ZNF644: variants seen among roughly 807,000 people sequenced by gnomAD.
The protein encoded by ZNF644 is zinc finger protein 644, also known as zinc finger motif enhancer binding protein 2.
Under a neutral mutation model 108.0 loss-of-function variants are expected in ZNF644, and 20 were observed. The observed-to-expected ratio is 0.19, with a 90% CI of 0.13 to 0.27. The LOEUF (loss-of-function observed/expected upper bound fraction) is 0.27. Ranked by LOEUF, ZNF644 falls within the 10% of genes least tolerant of loss-of-function variation. The probability of loss-of-function intolerance (pLI) is 1.00; values close to 1 mark genes in which losing one functional copy is unlikely to be tolerated. For missense variants in ZNF644, 1,338 were observed against 1,548.9 expected (o/e 0.86, Z 2.29); for synonymous variants, 542 against 539.1 (o/e 1.01, Z -0.08).
chr1:90,950,308 A>AGGGCAGGGCAGGGCAGGG (rs1557588325), intron 2 of ZNF644, among the ~76,000 whole-genome samples: 60 of 78,776 alleles, frequency 7.6e-4, no homozygotes, highest in East Asian at 1.1e-3. Context: ...AGGGGAGGGG[A>AGGGCAGGGCAGGGCAGGG]CAAAAGAAAA....
rs142714477 is a variant in ZNF644, at chr1:90,954,058, C to T, written c.45-12749G>A. Among the ~76,000 whole-genome samples the T allele has an allele frequency of 3.3e-5, 5 of 152,252 alleles. No homozygotes were observed. The East Asian group carries it at 9.7e-4, about 29-fold the overall frequency. On this transcript the variant is annotated intron_variant, in intron 2 of 5. Transcript: ENST00000337393. Reference sequence around the variant, plus strand: ...ATATTGACAATCAGAGTGGCAGATGCTGAAGGTTGGGGTGGCTGTGGCAAC... The same window carrying T: ...ATATTGACAATCAGAGTGGCAGATGTTGAAGGTTGGGGTGGCTGTGGCAAC...
chr1:90,947,074 C>A (rs1309674488), intron 2 of ZNF644, among the ~76,000 whole-genome samples: 1 of 152,128 alleles, frequency 6.6e-6, no homozygotes, highest in Non-Finnish European at 1.5e-5. Context: ...ACTTTAAAGA[C>A]ATGGCAAAAT....
At chr1:90,929,739 A>G (rs774546967) in intron 4 of ZNF644, among the ~76,000 whole-genome samples, 10 of 152,192 alleles carry the variant, frequency 6.6e-5, no homozygotes, top group African/African-American at 1.4e-4. Flanking sequence ...ATACTGTGCT[A>G]TATGTTCATT....
intron 4 of ZNF644, among the ~76,000 whole-genome samples, chr1:90,926,643 T>C (rs1271695227): frequency 2.0e-5 from 3 of 152,210 alleles, no homozygotes; most frequent in African/African-American, 2.4e-5. Flanking sequence ...TGGTAGCAGA[T>C]TGATTAACTG....
intron 2 of ZNF644, among the ~76,000 whole-genome samples, chr1:90,943,327 G>C (rs962069996): frequency 2.0e-5 from 3 of 152,082 alleles, no homozygotes; most frequent in African/African-American, 7.2e-5. Context: ...TGTAGTCCCA[G>C]CTACTCGAGA....
At chr1:90,998,327 A>C (rs572603477) in intron 1 of ZNF644, among the ~76,000 whole-genome samples, 1 of 152,346 alleles carries the variant, frequency 6.6e-6, no homozygotes, top group Non-Finnish European at 1.5e-5. Context: ...TCACACAGCC[A>C]GGTACCCCTC....
intron 4 of ZNF644, among the ~76,000 whole-genome samples, chr1:90,935,788 T>A (rs1177428420): frequency 6.6e-6 from 1 of 152,236 alleles, no homozygotes; most frequent in East Asian, 1.9e-4. Context: ...ACACCTATTA[T>A]TACTTTCTTG....
chr1:91,003,301 A>C (rs1191012095), intron 1 of ZNF644, among the ~76,000 whole-genome samples: 1 of 152,198 alleles, frequency 6.6e-6, no homozygotes, highest in East Asian at 1.9e-4. Flanking sequence ...TCAATGATAG[A>C]CTGGATTAAG....
chr1:91,005,896 TTAAA>T (rs145999363), intron 1 of ZNF644, among the ~76,000 whole-genome samples: 2,079 of 145,690 alleles, frequency 0.014, 43 homozygotes, highest in African/African-American at 0.05. Flanking sequence ...AAAGAAAAAA[TTAAA>T]TAAAGAACAC....
rs1659085232 is a variant in ZNF644 at position 91,003,427 on chromosome 1, A to T, written c.-18+18563T>A. 3.9e-5 allele frequency among the ~76,000 whole-genome samples: 6 copies of T among 152,264 alleles called. No individual in the cohort carries two copies. In the South Asian group the frequency reaches 1.2e-3, roughly 32 times the overall value. ...ACCATCATTCTCAGCAAACTATTGC[A>T]AGGACAAAAAACCAAACACCACCTG... On this transcript the variant is annotated intron_variant, in intron 1 of 5. Coordinates refer to ENST00000337393, the MANE Select transcript of ZNF644 (RefSeq NM_201269.3).
intron 1 of ZNF644, among the ~76,000 whole-genome samples, chr1:91,011,884 G>A (rs1659984471): frequency 6.6e-6 from 1 of 151,982 alleles, no homozygotes; most frequent in Non-Finnish European, 1.5e-5. Flanking sequence ...CATCAAAGAG[G>A]CTCCAAAAAC....
chr1:90,932,878 C>A (rs758896620), intron 4 of ZNF644, among the ~76,000 whole-genome samples: 1 of 152,122 alleles, frequency 6.6e-6, no homozygotes, highest in Middle Eastern at 3.4e-3. Flanking sequence ...AGACCCTAGG[C>A]TTTCTTCAGT....
intron 1 of ZNF644, among the ~76,000 whole-genome samples, chr1:91,008,776 T>C (rs1306035292): frequency 1.3e-5 from 2 of 152,206 alleles, no homozygotes; most frequent in East Asian, 1.9e-4. Context: ...AACCTCACTA[T>C]TAACGTCTTT....
At chr1:90,941,447 T>C (rs1437460722) in intron 2 of ZNF644, 138 bp from the exon 3 acceptor site, 1 of 806,718 alleles carries the variant, frequency 1.2e-6, no homozygotes, top group Non-Finnish European at 1.9e-6. Flanking sequence ...TTTCCAAGAA[T>C]GAAAGAACAC....
intron 1 of ZNF644, among the ~76,000 whole-genome samples, chr1:91,005,552 T>A (rs2101711957): frequency 6.6e-6 from 1 of 152,162 alleles, no homozygotes; most frequent in East Asian, 1.9e-4. Context: ...GTCAATAAAT[T>A]TTAAAGGAAT....
intron 1 of ZNF644, among the ~76,000 whole-genome samples, chr1:90,985,326 A>T (rs1368620169): frequency 6.6e-6 from 1 of 152,208 alleles, no homozygotes. Flanking sequence ...AAACACTTAA[A>T]ATCTACTCTT....
In ZNF644 at chr1:90,941,163, G is replaced by T; in HGVS notation, c.191C>A (p.Thr64Lys). ...SGVHKPKDCQTSFQKNNTLTL... is the reference protein window; with the variant it reads ...SGVHKPKDCQKSFQKNNTLTL... ...CAACGTATTATTTTTCTGAAATGAT[G>T]TTTGACAATCTTTTGGCTTATGAAC... Residue 64 changes from threonine to lysine, a missense_variant, in exon 3 of 6, where the codon ACA (threonine) becomes AAA (lysine). Physicochemically the swap from Thr to Lys is moderately conservative, Grantham distance 78. Around this residue, in one of 6 missense-constraint regions of ZNF644, gnomAD observed 464 missense variants for 457.9 expected, o/e 1.01. Transcript: ENST00000337393. 6.2e-7 allele frequency: 1 copy of T among 1,613,170 alleles called. No individual in the cohort carries two copies. Among genetic ancestry groups the T allele is most frequent in the Non-Finnish European group, 8.5e-7 (1 of 1,179,718 alleles).
chr1:90,950,990 CATCT>C (rs1270137359), intron 2 of ZNF644, among the ~76,000 whole-genome samples: 5 of 152,194 alleles, frequency 3.3e-5, no homozygotes, highest in Non-Finnish European at 5.9e-5. Flanking sequence ...CAGCCTTCCT[CATCT>C]ATATCAGTTG....
chr1:90,976,352 T>C lies in ZNF644; in HGVS notation c.44+5958A>G, dbSNP rs528973744. Among the ~76,000 whole-genome samples, 16 of 152,336 alleles carry C rather than the reference T, an allele frequency of 1.1e-4. No individual in the cohort carries two copies. The South Asian group carries it at 3.3e-3, about 32-fold the overall frequency. ...ATAACTAGTTGCATGGTACTGGGAA[T>C]TCTAATGACTAATGCATCCCTAACA... On this transcript the variant is annotated intron_variant, in intron 2 of 5. Transcript: ENST00000337393.
Sources: allele counts gnomAD v4.1 joint callset (sites outside exome capture counted in the v4.1 genomes callset), GRCh38; gene constraint gnomAD v4.1.1; regional missense constraint gnomAD v4.1.1; transcripts MANE v1.5; gene names NCBI Gene and HGNC (gene_info 2026-07-23, HGNC 2026-07-21).